TCF7L2: variants seen among roughly 807,000 people sequenced by gnomAD.
TCF7L2 encodes the protein transcription factor 7-like 2.
TCF7L2 carries 23 observed loss-of-function variants against 77.9 expected under a neutral mutation model. That is an observed-to-expected ratio of 0.30 (90% CI 0.21 to 0.42). The LOEUF (loss-of-function observed/expected upper bound fraction) is 0.42, where lower values mean the gene tolerates loss of function less well. Among genes scored for constraint, TCF7L2 ranks in the 10% least tolerant of loss-of-function variants. The pLI is 1.00. For missense variants in TCF7L2, 654 were observed against 793.1 expected (o/e 0.82, Z 2.11); for synonymous variants, 413 against 340.2 (o/e 1.21, Z -2.36).
At chr10:113,143,111 CCT>C (rs2068678381) in intron 6 of TCF7L2, among the ~76,000 whole-genome samples, 2 of 152,246 alleles carry the variant, frequency 1.3e-5, no homozygotes, top group Admixed American at 1.3e-4. Flanking sequence ...TACATCAATT[CCT>C]CTCTGTCAGA....
chr10:112,959,790 GC>G (rs991653001), intron 3 of TCF7L2, among the ~76,000 whole-genome samples: 4 of 152,150 alleles, frequency 2.6e-5, no homozygotes, highest in African/African-American at 9.7e-5. Context: ...GGTAGGGGAA[GC>G]TGGGCTTATA....
intron 4 of TCF7L2, among the ~76,000 whole-genome samples, chr10:113,038,392 C>G (rs1305635578): frequency 6.6e-6 from 1 of 152,154 alleles, no homozygotes; most frequent in African/African-American, 2.4e-5. Context: ...GCAGACACAC[C>G]CACCTCGTAT....
intron 5 of TCF7L2, among the ~76,000 whole-genome samples, chr10:113,108,691 G>C (rs1024921638): frequency 3.9e-5 from 6 of 152,146 alleles, no homozygotes; most frequent in Non-Finnish European, 8.8e-5. Context: ...TTCCCTTTCC[G>C]GCCTCTGCAG....
At chr10:113,158,515 C>T (rs1592444619) in intron 12 of TCF7L2, 152 bp from the exon 13 acceptor site, 2 of 764,174 alleles carry the variant, frequency 2.6e-6, no homozygotes, top group East Asian at 2.7e-5. Context: ...GTAAATTACA[C>T]CCATTTTAAA....
At chr10:113,028,786 G>T (rs1382630710) in intron 4 of TCF7L2, among the ~76,000 whole-genome samples, 2 of 152,216 alleles carry the variant, frequency 1.3e-5, no homozygotes, top group Non-Finnish European at 2.9e-5. Context: ...CAGCCATGGA[G>T]AAAGAAAGGG....
Position 113,165,689 on chromosome 10 carries a change from C to T in TCF7L2, c.1526C>T (p.Ser509Leu), listed in dbSNP as rs757894645. The T allele has an allele frequency of 1.1e-5, 17 of 1,611,616 alleles. No homozygotes were observed. The African/African-American group carries it at 1.7e-4, about 17-fold the overall frequency. Residue 509 changes from serine (S) to leucine (L), a missense_variant, in exon 14 of 14, where the codon TCA becomes TTA. Physicochemically the swap from Ser to Leu is moderately radical, Grantham distance 145. This residue lies in a region of TCF7L2 where 272 missense variants were observed against 215.4 expected (regional missense o/e 1.26). Transcript: ENST00000627217. ...GGCTCCCCTCCCCGAGACGCCAAGTCACAGACTGAGCAGACCCAGCCTCTG... is the reference window on the plus strand; with the variant it reads ...GGCTCCCCTCCCCGAGACGCCAAGTTACAGACTGAGCAGACCCAGCCTCTG...
chr10:113,123,382 T>A (rs1299852003), intron 5 of TCF7L2, among the ~76,000 whole-genome samples: 1 of 152,196 alleles, frequency 6.6e-6, no homozygotes, highest in African/African-American at 2.4e-5. Context: ...ACTTTAGACA[T>A]CTCAGGTTAT....
In TCF7L2 at chr10:113,151,923, T is replaced by G. The variant is rs2070816222; in HGVS notation, c.1161+39T>G. 1 of 1,566,186 alleles carries G rather than the reference T, an allele frequency of 6.4e-7. No homozygotes were observed. The highest frequency in any genetic ancestry group is 8.6e-7 in the Non-Finnish European group (1 of 1,161,750). ...TTCTCAGGGAGAAGCGGGGGGCGGG[T>G]GGTGAGGGACCAGAGTGCAGCAGGT... On this transcript the variant is annotated intron_variant, in intron 10 of 13. Transcript: ENST00000627217. The surrounding 1 kb of genome is among the most constrained non-coding windows in gnomAD (Gnocchi z 5.2).
intron 5 of TCF7L2, among the ~76,000 whole-genome samples, chr10:113,118,344 G>A (rs2064162617): frequency 6.6e-6 from 1 of 152,108 alleles, no homozygotes; most frequent in African/African-American, 2.4e-5. Flanking sequence ...AATTTTACTG[G>A]AAACTTGTTT....
intron 10 of TCF7L2, 86 bp from the exon 11 acceptor site, chr10:113,152,247 C>T: frequency 8.3e-7 from 1 of 1,198,280 alleles, no homozygotes; most frequent in Non-Finnish European, 1.2e-6. Flanking sequence ...ATTATTTATC[C>T]CCTGACCTTG....
chr10:113,160,525 A>C, intron 12 of TCF7L2: 20 of 1,130,510 alleles, frequency 1.8e-5, no homozygotes, highest in Middle Eastern at 2.2e-4. Flanking sequence ...CCAAGGTGAT[A>C]GAGAAGAAAA....
At chr10:113,049,187 GC>G (rs542476573) in intron 5 of TCF7L2, among the ~76,000 whole-genome samples, 8 of 151,598 alleles carry the variant, frequency 5.3e-5, no homozygotes, top group Non-Finnish European at 2.9e-5. Flanking sequence ...CATCTCCGCT[GC>G]CCCCCCGCCC....
intron 5 of TCF7L2, among the ~76,000 whole-genome samples, chr10:113,083,316 A>C (rs141440531): frequency 4.7e-4 from 71 of 151,032 alleles, no homozygotes; most frequent in African/African-American, 1.6e-3. Flanking sequence ...GCCCATACTC[A>C]CACCTTGCCA....
In TCF7L2 at chr10:113,166,786, A is replaced by G. The variant is rs2074060537; in HGVS notation, c.*814A>G. ...GTACAAGGTTTTTAAGTTTATATAT[A>G]AAATGTGTATATATATTTTTGTTTC... On this transcript the variant is annotated 3_prime_UTR_variant, in exon 14 of 14. Transcript: ENST00000627217. 8.8e-6 allele frequency: 2 copies of G among 228,568 alleles called. No individual in the cohort carries two copies. The highest frequency in any genetic ancestry group is 1.3e-4 in the East Asian group (2 of 15,800). The allele number at this position is 228,568 out of a possible 1,614,324, so 14.2% of individuals were successfully genotyped here.
chr10:113,143,588 T>G (rs2068768622), intron 6 of TCF7L2, among the ~76,000 whole-genome samples: 1 of 152,220 alleles, frequency 6.6e-6, no homozygotes, highest in Non-Finnish European at 1.5e-5. Context: ...CATTGCTTCA[T>G]TCTCCACCAG....
intron 5 of TCF7L2, among the ~76,000 whole-genome samples, chr10:113,096,557 A>C (rs1485850280): frequency 3.9e-5 from 6 of 152,104 alleles, no homozygotes; most frequent in Admixed American, 3.9e-4. Flanking sequence ...ACCGGTTTGC[A>C]TTAAGAAAAA....
intron 4 of TCF7L2, among the ~76,000 whole-genome samples, chr10:113,018,440 A>C (rs1376642003): frequency 3.6e-5 from 4 of 111,092 alleles, no homozygotes; most frequent in African/African-American, 3.6e-5. Flanking sequence ...CTTTCTCCTG[A>C]GTCCTTTTTT....
At chr10:113,042,673 C>T (rs1332797949) in intron 5 of TCF7L2, among the ~76,000 whole-genome samples, 1 of 152,062 alleles carries the variant, frequency 6.6e-6, no homozygotes, top group Non-Finnish European at 1.5e-5. Flanking sequence ...GGAAGAAAGG[C>T]CTTGCGTTGT....
intron 5 of TCF7L2, among the ~76,000 whole-genome samples, chr10:113,117,951 T>C (rs1003084305): frequency 2.0e-5 from 3 of 151,550 alleles, no homozygotes; most frequent in African/African-American, 7.3e-5. Flanking sequence ...GCGGGCACAT[T>C]AGCTTGCTCG....
Sources: gnomAD v4.1 joint callset for allele counts (sites outside exome capture counted in the v4.1 genomes callset) on GRCh38, gnomAD v4.1.1 for gene constraint, gnomAD v4.1.1 regional missense constraint, Gnocchi (gnomAD v3.1) non-coding constraint, MANE v1.5 for transcripts, NCBI Gene and HGNC (gene_info 2026-07-23, HGNC 2026-07-21) for gene names.